The following SCAMP1 variants were observed in gnomAD, a reference collection of about 807,000 sequenced individuals.
SCAMP1 encodes secretory carrier-associated membrane protein 1.
Under a neutral mutation model 41.8 loss-of-function variants are expected in SCAMP1, and 15 were observed. The observed-to-expected ratio is 0.36, with a 90% CI of 0.24 to 0.55. The LOEUF (loss-of-function observed/expected upper bound fraction) is 0.55. Ranked by LOEUF, SCAMP1 falls within the 20% of genes least tolerant of loss-of-function variation. The pLI is 0.86. For missense variants in SCAMP1, 341 were observed against 412.6 expected (o/e 0.83, Z 1.50); for synonymous variants, 135 against 136.8 (o/e 0.99, Z 0.09).
Position 78,384,886 on chromosome 5 carries a change from C to T in SCAMP1, c.58-3951C>T, listed in dbSNP as rs144519767. ...GGTTGAGGATTTTTGCATCTCTGTTCATCAGGGATATTGGCCTGTAGTTTT... is the reference window on the plus strand; with the variant it reads ...GGTTGAGGATTTTTGCATCTCTGTTTATCAGGGATATTGGCCTGTAGTTTT... On this transcript the variant is annotated intron_variant, in intron 1 of 8. Transcript: ENST00000621999. 1.6e-4 allele frequency among the ~76,000 whole-genome samples: 25 copies of T among 152,248 alleles called. No individual in the cohort carries two copies. In the East Asian group the frequency reaches 3.7e-3, roughly 22 times the overall value.
rs148958717 is a variant in SCAMP1 at position 78,386,836 on chromosome 5, T to C, written c.58-2001T>C. Among the ~76,000 whole-genome samples, 31 of 152,340 alleles carry C rather than the reference T, an allele frequency of 2.0e-4. 2 individuals carry two copies. In the East Asian group the frequency reaches 5.6e-3, roughly 27 times the overall value. On this transcript the variant is annotated intron_variant, in intron 1 of 8. Coordinates refer to ENST00000621999, the MANE Select transcript of SCAMP1 (RefSeq NM_004866.6). ...TCTGCTGAGAAATCTGTTAATCTGATAGATTTTTCTTTATAGGTTACCTGA... is the reference window on the plus strand; with the variant it reads ...TCTGCTGAGAAATCTGTTAATCTGACAGATTTTTCTTTATAGGTTACCTGA...
intron 1 of SCAMP1, 141 bp downstream of exon 1, chr5:78,360,869 T>C (rs1337682642): frequency 6.3e-6 from 5 of 787,704 alleles, no homozygotes; most frequent in Non-Finnish European, 8.2e-6. Flanking sequence ...CGTCCTCCAT[T>C]TGGGGTCGCG....
intron 8 of SCAMP1, among the ~76,000 whole-genome samples, chr5:78,460,866 TCTTTTGTGAAAGAGAGTCTCACTCTGTCA>T (rs537921522): frequency 1.3e-4 from 19 of 149,208 alleles, no homozygotes; most frequent in African/African-American, 4.6e-4. Context: ...TCTTCCTGTC[TCTTTTGTGAAAGAGAGTCTCACTCTGTCA>T]CCCAGGCTGG....
At chr5:78,397,952 G>A (rs1481223941) in intron 2 of SCAMP1, among the ~76,000 whole-genome samples, 5 of 152,228 alleles carry the variant, frequency 3.3e-5, no homozygotes, top group Admixed American at 3.3e-4. Context: ...GCAATAGCGA[G>A]TATTGGCAAG....
chr5:78,412,018 T>C (rs1752089530), intron 2 of SCAMP1, among the ~76,000 whole-genome samples: 1 of 152,114 alleles, frequency 6.6e-6, no homozygotes, highest in African/African-American at 2.4e-5. Flanking sequence ...AAATTTTTTG[T>C]ATGTTTATTT....
chr5:78,391,207 C>G (rs1442706487), intron 2 of SCAMP1, among the ~76,000 whole-genome samples: 1 of 151,850 alleles, frequency 6.6e-6, no homozygotes, highest in African/African-American at 2.4e-5. Context: ...CAGAGGGGCT[C>G]CTCACTTCCC....
chr5:78,426,262 G>T (rs927180256), intron 6 of SCAMP1, among the ~76,000 whole-genome samples: 13 of 152,164 alleles, frequency 8.5e-5, no homozygotes, highest in Non-Finnish European at 1.3e-4. Flanking sequence ...ACATATGTTT[G>T]CATGTGTCTT....
intron 1 of SCAMP1, among the ~76,000 whole-genome samples, chr5:78,378,998 C>T (rs144648885): frequency 9.1e-4 from 138 of 152,310 alleles, no homozygotes; most frequent in African/African-American, 3.1e-3. Flanking sequence ...TTGAGAACCA[C>T]AGCCAAAGAA....
At chr5:78,445,636 G>C (rs1175972481) in intron 6 of SCAMP1, among the ~76,000 whole-genome samples, 1 of 151,028 alleles carries the variant, frequency 6.6e-6, no homozygotes, top group Non-Finnish European at 1.5e-5. Context: ...CCCTGATGAT[G>C]TATTTTTTTT....
chr5:78,384,310 C>A (rs1751288826), intron 1 of SCAMP1, among the ~76,000 whole-genome samples: 1 of 151,006 alleles, frequency 6.6e-6, no homozygotes, highest in African/African-American at 2.4e-5. Context: ...TTTTAGTTTC[C>A]TGAAACTTTG....
At chr5:78,460,751 T>TCCGTCCGTCCGTC (rs1388438876) in intron 8 of SCAMP1, among the ~76,000 whole-genome samples, 1 of 9,830 alleles carries the variant, frequency 1.0e-4, no homozygotes. Context: ...TCTCCTTCCT[T>TCCGTCCGTCCGTC]CCTTCCTTCC....
rs186081619 is a variant in SCAMP1, at chr5:78,384,547, A to G, written c.58-4290A>G. ...TGTCTTGTTCCAGTTCCTAAGGGCA[A>G]TGCTTTCAAGTTTTCCCCGTTCAGT... On this transcript the variant is annotated intron_variant, in intron 1 of 8. Coordinates refer to ENST00000621999, the MANE Select transcript of SCAMP1 (RefSeq NM_004866.6). Among the ~76,000 whole-genome samples the G allele has an allele frequency of 2.6e-4, 40 of 152,230 alleles. 1 individual carries two copies. Among genetic ancestry groups the G allele is most frequent in the African/African-American group, 8.4e-4 (35 of 41,534 alleles).
chr5:78,421,742 A>T, intron 5 of SCAMP1, 59 bp from the exon 6 acceptor site: 1 of 1,445,668 alleles, frequency 6.9e-7, no homozygotes, highest in Non-Finnish European at 9.5e-7. Context: ...TTTTTGTTGG[A>T]TGAATTCATA....
intron 2 of SCAMP1, among the ~76,000 whole-genome samples, chr5:78,391,048 ACTT>A (rs1402607256): frequency 6.6e-6 from 1 of 152,000 alleles, no homozygotes; most frequent in Non-Finnish European, 1.5e-5. Flanking sequence ...TCCCATGTCT[ACTT>A]CTTTCTACAC....
intron 2 of SCAMP1, among the ~76,000 whole-genome samples, chr5:78,396,006 C>T (rs182937887): frequency 6.6e-6 from 1 of 152,188 alleles, no homozygotes; most frequent in African/African-American, 2.4e-5. Flanking sequence ...ACCTGCCACA[C>T]TGGGAATAAG....
intron 8 of SCAMP1, among the ~76,000 whole-genome samples, chr5:78,469,617 G>A (rs1038818135): frequency 4.6e-5 from 7 of 151,916 alleles, no homozygotes; most frequent in South Asian, 4.2e-4. Flanking sequence ...GGTAGATTTC[G>A]TAGATTGGTG....
At chr5:78,411,096 A>G (rs1330186848) in intron 2 of SCAMP1, among the ~76,000 whole-genome samples, 1 of 151,710 alleles carries the variant, frequency 6.6e-6, no homozygotes, top group Non-Finnish European at 1.5e-5. Context: ...TTTTCTGTTC[A>G]CTCTGCTGAT....
At chr5:78,402,273 C>A (rs1751818776) in intron 2 of SCAMP1, among the ~76,000 whole-genome samples, 1 of 150,594 alleles carries the variant, frequency 6.6e-6, no homozygotes, top group South Asian at 2.1e-4. Flanking sequence ...TCCATGTGAA[C>A]TTGAGAAGAA....
Position 78,388,902 on chromosome 5 carries a change from G to T in SCAMP1, c.123G>T (p.Ser41=). 1 of 1,499,822 alleles carries T rather than the reference G, an allele frequency of 6.7e-7. No homozygotes were observed. Among genetic ancestry groups the T allele is most frequent in the African/African-American group, 1.4e-5 (1 of 72,692 alleles). The allele number at this position is 1,499,822 out of a possible 1,614,324, so 92.9% of individuals were successfully genotyped here. The stretch of plus-strand genomic sequence containing the variant: ...GACTTGATGAATATAATCCATTCTC[G>T]GATTCTAGAACAGTAAGATTATTCT... ...PPGLDEYNPF[S]DSRTPPPGGV... is the part of the protein sequence containing the mutation. The change falls in exon 2 of 9, where the codon TCG becomes TCT. Residue 41 remains serine (S), a synonymous_variant. Transcript: ENST00000621999.
Sources: gnomAD v4.1 joint callset for allele counts (sites outside exome capture counted in the v4.1 genomes callset) on GRCh38, gnomAD v4.1.1 for gene constraint, MANE v1.5 for transcripts, NCBI Gene and HGNC (gene_info 2026-07-23, HGNC 2026-07-21) for gene names.